SLC25A48: variants seen among roughly 807,000 people sequenced by gnomAD.
SLC25A48 encodes CTC-321K16.1.
A neutral mutation model predicts 32.2 loss-of-function variants in SLC25A48; 29 were observed. The observed-to-expected ratio is 0.90, with a 90% CI of 0.67 to 1.23. The LOEUF is 1.23. Ranked by LOEUF, SLC25A48 falls within the 50% of genes most tolerant of loss-of-function variation. The probability of loss-of-function intolerance (pLI) is 0.00; values close to 1 mark genes in which losing one functional copy is unlikely to be tolerated. For missense variants in SLC25A48, 399 were observed against 422.7 expected, an observed-to-expected ratio of 0.94 and a Z score of 0.49; for synonymous variants, 164 against 172.3, an observed-to-expected ratio of 0.95 and a Z score of 0.38.
At chr5:135,712,924 G>A (rs887388910) in intron 3 of SLC25A48, among the ~76,000 whole-genome samples, 8 of 152,162 alleles carry the variant, frequency 5.3e-5, no homozygotes, top group Non-Finnish European at 8.8e-5. Context: ...CATTCAGGGA[G>A]GCTCTGTATG....
chr5:135,616,919 C>T (rs1486837556), intron 1 of SLC25A48, among the ~76,000 whole-genome samples: 1 of 152,050 alleles, frequency 6.6e-6, no homozygotes, highest in Non-Finnish European at 1.5e-5. Context: ...CTGTAGTTTA[C>T]TTTTTTGTTG....
chr5:135,829,821 C>G (rs1758158025), upstream of SLC25A48, among the ~76,000 whole-genome samples: 1 of 152,072 alleles, frequency 6.6e-6, no homozygotes, highest in Non-Finnish European at 1.5e-5. Flanking sequence ...TCATCCTCCA[C>G]TGACTGCTGT....
At chr5:135,679,451 C>T (rs1753842386) in intron 3 of SLC25A48, among the ~76,000 whole-genome samples, 1 of 152,180 alleles carries the variant, frequency 6.6e-6, no homozygotes, top group Non-Finnish European at 1.5e-5. Context: ...AGCAGCTGTA[C>T]TTCAGCCCTG....
chr5:135,781,570 T>A (rs1450867410), intron 3 of SLC25A48, among the ~76,000 whole-genome samples: 6 of 117,530 alleles, frequency 5.1e-5, no homozygotes, highest in African/African-American at 1.6e-4. Context: ...ATTCCCAATA[T>A]CGCAGTGGGT....
intron 3 of SLC25A48, chr5:135,714,532 T>C (rs560827292): frequency 2.0e-5 from 3 of 152,364 alleles, no homozygotes; most frequent in Admixed American, 1.3e-4. Context: ...GCTCAGGGCA[T>C]GTGCAGTTTG....
intron 6 of SLC25A48, among the ~76,000 whole-genome samples, chr5:135,874,510 GC>G (rs1417972886): frequency 6.6e-6 from 1 of 152,136 alleles, no homozygotes; most frequent in African/African-American, 2.4e-5. Context: ...ATGGCTCAGT[GC>G]CTTCCCCACT....
At position 135,694,374 on chromosome 5, in the gene SLC25A48, C is replaced by T. The variant is rs145207420; in HGVS notation, c.-521+59418C>T. Among the ~76,000 whole-genome samples the T allele has an allele frequency of 3.9e-3, 594 of 152,234 alleles. 5 individuals carry two copies. The highest frequency in any genetic ancestry group is 0.014 in the African/African-American group (563 of 41,542). ...TTGAACCGTTTCCACCTTGAGGTAC[C>T]TGAAGATGAAACCAGCTCCCCGTTA... On this transcript the variant is annotated intron_variant, in intron 3 of 10. Coordinates refer to the SLC25A48 transcript ENST00000646290.
upstream of SLC25A48, among the ~76,000 whole-genome samples, chr5:135,830,494 C>T (rs144714347): frequency 1.2e-3 from 176 of 152,326 alleles, 3 homozygotes; most frequent in African/African-American, 3.8e-3. Context: ...CTGCTTCACC[C>T]CCTCACTTCA....
chr5:135,598,003 TA>T (rs902238296), intron 1 of SLC25A48, among the ~76,000 whole-genome samples: 42 of 126,154 alleles, frequency 3.3e-4, no homozygotes, highest in African/African-American at 9.3e-4. Flanking sequence ...GACTCTGTCT[TA>T]AAAAAAAAAT....
intron 4 of SLC25A48, among the ~76,000 whole-genome samples, chr5:135,860,952 T>C (rs1035715416): frequency 6.6e-6 from 1 of 152,198 alleles, no homozygotes; most frequent in Non-Finnish European, 1.5e-5. Context: ...GCTCAGGTGG[T>C]TGGGGGACTG....
chr5:135,839,696 C>A (rs2126694627), intron 1 of SLC25A48, among the ~76,000 whole-genome samples: 1 of 152,232 alleles, frequency 6.6e-6, no homozygotes, highest in Admixed American at 6.5e-5. Flanking sequence ...TCACCCAAAT[C>A]TCGTCTTGAA....
At chr5:135,882,120 G>A (rs546741409) in intron 7 of SLC25A48, among the ~76,000 whole-genome samples, 6 of 152,344 alleles carry the variant, frequency 3.9e-5, no homozygotes, top group East Asian at 1.9e-4. Flanking sequence ...TTCTGGAAGC[G>A]CTCTTTCTTG....
At chr5:135,836,126 G>C (rs984107910) in intron 1 of SLC25A48, among the ~76,000 whole-genome samples, 1 of 152,170 alleles carries the variant, frequency 6.6e-6, no homozygotes, top group African/African-American at 2.4e-5. Flanking sequence ...GACCACCTTC[G>C]GTAGGGATGC....
At chr5:135,654,422 T>C (rs1753194865) in intron 3 of SLC25A48, among the ~76,000 whole-genome samples, 1 of 152,104 alleles carries the variant, frequency 6.6e-6, no homozygotes, top group African/African-American at 2.4e-5. Flanking sequence ...ATGAGTGAAA[T>C]GGAATGAAAG....
chr5:135,785,544 C>G (rs779207506), intron 3 of SLC25A48, among the ~76,000 whole-genome samples: 7 of 139,964 alleles, frequency 5.0e-5, no homozygotes, highest in African/African-American at 2.0e-4. Flanking sequence ...CCCCATGGAT[C>G]GTAATATCCA....
intron 1 of SLC25A48, among the ~76,000 whole-genome samples, chr5:135,622,923 G>A (rs186122765): frequency 2.6e-5 from 4 of 152,328 alleles, no homozygotes; most frequent in African/African-American, 9.6e-5. Context: ...ATTATGTGAG[G>A]AGCAGGGGCC....
chr5:135,800,964 C>T (rs909805172), intron 3 of SLC25A48, among the ~76,000 whole-genome samples: 2 of 151,094 alleles, frequency 1.3e-5, no homozygotes, highest in Non-Finnish European at 3.0e-5. Flanking sequence ...TTATAACACT[C>T]CCCATATCTT....
chr5:135,633,921 TA>T (rs1033790553), intron 2 of SLC25A48, among the ~76,000 whole-genome samples: 1 of 152,238 alleles, frequency 6.6e-6, no homozygotes, highest in African/African-American at 2.4e-5. Flanking sequence ...GGCAAATGGC[TA>T]ACATATTCCT....
In SLC25A48 at chr5:135,631,948, G is replaced by C. The variant is rs146672508; in HGVS notation, c.-709+2572G>C. Among the ~76,000 whole-genome samples, 19 of 152,316 alleles carry C rather than the reference G, an allele frequency of 1.2e-4. No individual in the cohort carries two copies. The East Asian group carries it at 3.7e-3, about 29-fold the overall frequency. ...TGCTTTTGAAGTCCAACCCAGGGGA[G>C]GGGGAGGTCTTTGAGACGATGTCAG... is the stretch of plus-strand genomic sequence containing the variant. On this transcript the variant is annotated intron_variant, in intron 2 of 10. Transcript: ENST00000646290.
Sources: allele counts gnomAD v4.1 joint callset (sites outside exome capture counted in the v4.1 genomes callset), GRCh38; gene constraint gnomAD v4.1.1; transcripts MANE v1.5; gene names NCBI Gene and HGNC (gene_info 2026-07-23, HGNC 2026-07-21).